ESRRG: variants seen among roughly 807,000 people sequenced by gnomAD.
The protein encoded by ESRRG is estrogen related receptor gamma.
ESRRG carries 13 observed loss-of-function variants against 44.0 expected under a neutral mutation model. The ratio of observed to expected loss-of-function variants is 0.30; its 90% CI spans 0.19 to 0.47. ESRRG has a LOEUF of 0.47. Ranked by LOEUF, ESRRG falls within the 20% of genes least tolerant of loss-of-function variation. The pLI, the probability that ESRRG is intolerant of heterozygous loss-of-function variation, is 1.00. For missense variants in ESRRG, 395 were observed against 580.6 expected (o/e 0.68, Z 3.29); for synonymous variants, 215 against 214.6 (o/e 1.00, Z -0.02).
intron 5 of ESRRG, among the ~76,000 whole-genome samples, chr1:216,523,087 T>G (rs1258887496): frequency 6.6e-6 from 1 of 152,178 alleles, no homozygotes; most frequent in African/African-American, 2.4e-5. Context: ...TAGTTTTAAA[T>G]GTTCAGCCAT....
chr1:216,877,232 C>T (rs2096369386), intron 2 of ESRRG, among the ~76,000 whole-genome samples: 1 of 152,096 alleles, frequency 6.6e-6, no homozygotes, highest in Non-Finnish European at 1.5e-5. Context: ...TAACCCACCA[C>T]CTGTACCATC....
chr1:216,826,974 G>T (rs1172967354), intron 2 of ESRRG, among the ~76,000 whole-genome samples: 1 of 152,066 alleles, frequency 6.6e-6, no homozygotes, highest in Non-Finnish European at 1.5e-5. Flanking sequence ...TGAGCAGGGG[G>T]GTGATCCCTG....
chr1:216,702,405 C>A (rs1368630382), intron 1 of ESRRG, among the ~76,000 whole-genome samples: 1 of 152,034 alleles, frequency 6.6e-6, no homozygotes, highest in Non-Finnish European at 1.5e-5. Context: ...TAAACCCACT[C>A]TAGACTTCCC....
intron 5 of ESRRG, among the ~76,000 whole-genome samples, chr1:216,544,154 A>G (rs1271208225): frequency 6.6e-6 from 1 of 152,074 alleles, no homozygotes; most frequent in African/African-American, 2.4e-5. Context: ...GAATGATTTT[A>G]TAATCTCAAC....
chr1:216,790,409 C>A (rs2094281655), intron 2 of ESRRG, among the ~76,000 whole-genome samples: 1 of 152,024 alleles, frequency 6.6e-6, no homozygotes, highest in African/African-American at 2.4e-5. Flanking sequence ...AGGCATAAGT[C>A]ACTTTATAAA....
At chr1:216,634,788 G>A (rs577491057) in intron 3 of ESRRG, among the ~76,000 whole-genome samples, 1 of 152,144 alleles carries the variant, frequency 6.6e-6, no homozygotes, top group African/African-American at 2.4e-5. Context: ...GTGTGGGTTG[G>A]TGGGTTACAG....
intron 1 of ESRRG, among the ~76,000 whole-genome samples, chr1:217,034,717 C>T (rs2082581834): frequency 6.6e-6 from 1 of 152,182 alleles, no homozygotes; most frequent in Non-Finnish European, 1.5e-5. Flanking sequence ...AGCGTTGGTC[C>T]ACGCTCCTGC....
At chr1:216,827,210 A>T (rs1370143) in intron 2 of ESRRG, among the ~76,000 whole-genome samples, 12,404 of 152,248 alleles carry the variant, frequency 0.081, 737 homozygotes, top group East Asian at 0.26. Flanking sequence ...TTATATTGTT[A>T]CTAAAAGAAT....
rs2093014818 is a variant in ESRRG at position 217,134,213 on chromosome 1, G to A, written c.-230+3454C>T. On this transcript the variant is annotated intron_variant, in intron 1 of 8. Coordinates refer to the ESRRG transcript ENST00000366940. Reference sequence around the variant, plus strand: ...CCCATGGTTTGTGACGGGGAACTTCGGGCGCACACACCCTGGGGAGTAGGT... The same window carrying A: ...CCCATGGTTTGTGACGGGGAACTTCAGGCGCACACACCCTGGGGAGTAGGT... Among the ~76,000 whole-genome samples, 3 of 152,104 alleles carry A rather than the reference G, an allele frequency of 2.0e-5. No individual in the cohort carries two copies. In the South Asian group the frequency reaches 6.2e-4, roughly 31 times the overall value.
At chr1:216,734,606 T>G (rs1010549697) in intron 2 of ESRRG, among the ~76,000 whole-genome samples, 1 of 152,310 alleles carries the variant, frequency 6.6e-6, no homozygotes, top group East Asian at 1.9e-4. Context: ...TTGGCACTTA[T>G]GCTTCTTGTA....
chr1:216,558,075 T>G (rs1468392661), intron 5 of ESRRG, among the ~76,000 whole-genome samples: 1 of 152,058 alleles, frequency 6.6e-6, no homozygotes, highest in African/African-American at 2.4e-5. Flanking sequence ...ATGGCATGAG[T>G]GGTGAGGACA....
intron 3 of ESRRG, among the ~76,000 whole-genome samples, chr1:216,620,351 A>G (rs2062025837): frequency 6.6e-6 from 1 of 152,204 alleles, no homozygotes; most frequent in Non-Finnish European, 1.5e-5. Context: ...AGTATTATCT[A>G]ATATATTTTA....
Position 216,672,922 on chromosome 1 carries a change from A to G in ESRRG, c.472+4154T>C, listed in dbSNP as rs113634970. On this transcript the variant is annotated intron_variant, in intron 2 of 6. Transcript: ENST00000408911. ...AAGATCTTAACAGATGATGGTGTAC[A>G]TGAAAATGCCTATGGATGCACACGT... 1.9e-3 allele frequency among the ~76,000 whole-genome samples: 285 copies of G among 152,310 alleles called. 3 individuals carry two copies. Among genetic ancestry groups the G allele is most frequent in the African/African-American group, 6.4e-3 (266 of 41,560 alleles).
At chr1:217,090,616 G>A (rs1173684839), upstream of ESRRG, 1 of 152,162 alleles carries the variant, frequency 6.6e-6, no homozygotes, top group African/African-American at 2.4e-5. Context: ...AAAATGGGGA[G>A]GGGTCAGGGA....
intron 1 of ESRRG, among the ~76,000 whole-genome samples, chr1:216,706,194 C>T (rs940658412): frequency 1.3e-5 from 2 of 151,550 alleles, no homozygotes; most frequent in Non-Finnish European, 2.9e-5. Context: ...AACAGTCCAC[C>T]TCAGCTTTAA....
At chr1:216,832,973 A>G (rs1305676584) in intron 2 of ESRRG, among the ~76,000 whole-genome samples, 1 of 88,222 alleles carries the variant, frequency 1.1e-5, no homozygotes, top group East Asian at 2.0e-4. Context: ...GGACTCAGTC[A>G]AAAAAAAAAA....
chr1:216,761,863 C>T (rs72739414), intron 2 of ESRRG, among the ~76,000 whole-genome samples: 10,822 of 152,108 alleles, frequency 0.071, 480 homozygotes, highest in South Asian at 0.14. Context: ...ATCCATTCCC[C>T]AGTTTTCAGG....
chr1:216,824,482 A>AT (rs199897227), intron 2 of ESRRG, among the ~76,000 whole-genome samples: 18,200 of 145,292 alleles, frequency 0.13, 1,252 homozygotes, highest in East Asian at 0.27. Context: ...AGTCATTTTA[A>AT]TTTTTTTTTT....
intron 1 of ESRRG, among the ~76,000 whole-genome samples, chr1:217,037,122 C>T (rs1440332590): frequency 6.6e-6 from 1 of 152,170 alleles, no homozygotes; most frequent in Non-Finnish European, 1.5e-5. Flanking sequence ...TTCAGTTTTC[C>T]TTTTTACCCC....
Sources: allele counts gnomAD v4.1 joint callset (sites outside exome capture counted in the v4.1 genomes callset), GRCh38; gene constraint gnomAD v4.1.1; transcripts MANE v1.5; gene names NCBI Gene and HGNC (gene_info 2026-07-23, HGNC 2026-07-21).